CEP85L: variants seen among roughly 807,000 people sequenced by gnomAD.
The protein encoded by CEP85L is centrosomal protein of 85 kDa-like.
In CEP85L, 60 loss-of-function variants were observed where a neutral mutation model predicts 100.3. The ratio of observed to expected loss-of-function variants is 0.60; its 90% CI spans 0.49 to 0.74. CEP85L has a LOEUF of 0.74. Among genes scored for constraint, CEP85L ranks in the 30% least tolerant of loss-of-function variants. CEP85L has a pLI of 0.00. For synonymous variants in CEP85L, 319 were observed against 322.7 expected (o/e 0.99, Z 0.12); for missense variants, 973 against 936.2 (o/e 1.04, Z -0.51).
intron 1 of CEP85L, among the ~76,000 whole-genome samples, chr6:118,680,890 A>T (rs149549667): frequency 7.3e-5 from 11 of 150,812 alleles, no homozygotes; most frequent in African/African-American, 2.7e-4. Flanking sequence ...AAAAAAAGAC[A>T]CTCTGAGATG....
chr6:118,703,028 A>T (rs2114368876), intron 1 of CEP85L, among the ~76,000 whole-genome samples: 1 of 150,160 alleles, frequency 6.7e-6, no homozygotes, highest in East Asian at 1.9e-4. Context: ...GCTAGAGTTC[A>T]TTTTACCACC....
intron 3 of CEP85L, among the ~76,000 whole-genome samples, chr6:118,555,874 T>C (rs1355541722): frequency 6.6e-6 from 1 of 152,174 alleles, no homozygotes; most frequent in Non-Finnish European, 1.5e-5. Context: ...ATCATCTTGC[T>C]CCCACCTGTA....
Position 118,481,760 on chromosome 6 carries a change from A to T in CEP85L, c.1745+19T>A. On this transcript the variant is annotated intron_variant, in intron 8 of 12. Coordinates refer to ENST00000368491, the MANE Select transcript of CEP85L (RefSeq NM_001042475.3). The stretch of plus-strand genomic sequence containing the variant: ...AATACGAATAAAATAATGTAGAAGG[A>T]TTCAGAAAATTTTCTTACCTCTGAA... 1 of 1,448,860 alleles carries T rather than the reference A, an allele frequency of 6.9e-7. No homozygotes were observed. Among genetic ancestry groups the T allele is most frequent in the Non-Finnish European group, 9.3e-7 (1 of 1,071,364 alleles). The allele number at this position is 1,448,860 out of a possible 1,614,324, so 89.8% of individuals were successfully genotyped here.
chr6:118,567,559 T>C (rs182324594), intron 2 of CEP85L, among the ~76,000 whole-genome samples: 16 of 152,202 alleles, frequency 1.1e-4, no homozygotes, highest in Admixed American at 9.8e-4. Flanking sequence ...CCAAAGACTA[T>C]AATTTTGTAA....
intron 2 of CEP85L, among the ~76,000 whole-genome samples, chr6:118,611,214 C>T (rs960178723): frequency 6.6e-6 from 1 of 152,042 alleles, no homozygotes; most frequent in African/African-American, 2.4e-5. Context: ...ATGTGAAACT[C>T]TTTTATCATA....
intron 6 of CEP85L, among the ~76,000 whole-genome samples, chr6:118,490,067 G>A (rs1006651703): frequency 6.6e-6 from 1 of 152,012 alleles, no homozygotes; most frequent in African/African-American, 2.4e-5. Flanking sequence ...GTGACAAGAT[G>A]GATGGCTCTG....
In CEP85L at chr6:118,567,593, T is replaced by C. The variant is rs535435179; in HGVS notation, c.233-1277A>G. 4.6e-5 allele frequency among the ~76,000 whole-genome samples: 7 copies of C among 152,002 alleles called. No individual in the cohort carries two copies. In the South Asian group the frequency reaches 1.5e-3, roughly 32 times the overall value. ...AATCAAGGGATATCTAGAAAGGGGG[T>C]AGCAATTTAAATTGGTGTGTGGGGA... is the stretch of plus-strand genomic sequence containing the variant. On this transcript the variant is annotated intron_variant, in intron 2 of 12. Transcript: ENST00000368491.
chr6:118,699,575 C>T (rs1399642742), intron 1 of CEP85L, among the ~76,000 whole-genome samples: 1 of 152,106 alleles, frequency 6.6e-6, no homozygotes, highest in East Asian at 1.9e-4. Flanking sequence ...GTGGGCTGCT[C>T]ATCTGTTTTT....
At chr6:118,591,307 C>A (rs1038114590) in intron 2 of CEP85L, among the ~76,000 whole-genome samples, 1 of 152,106 alleles carries the variant, frequency 6.6e-6, no homozygotes, top group South Asian at 2.1e-4. Context: ...AACAAAAGTA[C>A]CAGAGGCTAC....
intron 1 of CEP85L, among the ~76,000 whole-genome samples, chr6:118,689,099 C>T (rs1041465953): frequency 6.6e-6 from 1 of 152,176 alleles, no homozygotes; most frequent in African/African-American, 2.4e-5. Context: ...GTGTCATACT[C>T]CCTGTTCCTT....
chr6:118,665,862 C>G lies in CEP85L; in HGVS notation c.-27-13054G>C, dbSNP rs572930721. Among the ~76,000 whole-genome samples, 75 of 152,274 alleles carry G rather than the reference C, an allele frequency of 4.9e-4. 1 individual carries two copies. The highest frequency in any genetic ancestry group is 4.4e-3 in the Admixed American group (67 of 15,298). ...AGGTTTCCCTTCCTTGCCTCACATT[C>G]TGTTTTCCTACACAGGCCAAATTCT... is the stretch of plus-strand genomic sequence containing the variant. On this transcript the variant is annotated intron_variant, in intron 1 of 13. Coordinates refer to the CEP85L transcript ENST00000368488.
chr6:118,636,665 CAAA>C (rs1774512766), intron 1 of CEP85L, among the ~76,000 whole-genome samples: 1 of 152,274 alleles, frequency 6.6e-6, no homozygotes, highest in African/African-American at 2.4e-5. Flanking sequence ...CTGAACACAA[CAAA>C]AAAGCTAACC....
At chr6:118,698,720 G>C (rs1412795736) in intron 1 of CEP85L, among the ~76,000 whole-genome samples, 1 of 151,870 alleles carries the variant, frequency 6.6e-6, no homozygotes, top group Non-Finnish European at 1.5e-5. Flanking sequence ...TTTTGCACTG[G>C]CCAGCAGTTG....
intron 1 of CEP85L, among the ~76,000 whole-genome samples, chr6:118,681,600 T>C (rs1360532389): frequency 6.6e-6 from 1 of 152,064 alleles, no homozygotes; most frequent in Non-Finnish European, 1.5e-5. Context: ...AAAAATAGTA[T>C]TTTGGACTTC....
At chr6:118,671,229 A>G (rs1260764481) in intron 1 of CEP85L, among the ~76,000 whole-genome samples, 2 of 152,226 alleles carry the variant, frequency 1.3e-5, no homozygotes. Flanking sequence ...GTGGCCCTAC[A>G]TAAGCAAGTG....
At chr6:118,545,876 C>A (rs1407610982) in intron 3 of CEP85L, among the ~76,000 whole-genome samples, 2 of 152,076 alleles carry the variant, frequency 1.3e-5, no homozygotes, top group Admixed American at 6.5e-5. Context: ...GTCATTAAAC[C>A]ATCACAAATA....
chr6:118,668,869 T>G (rs528198312), intron 1 of CEP85L, among the ~76,000 whole-genome samples: 18 of 152,326 alleles, frequency 1.2e-4, no homozygotes, highest in African/African-American at 3.8e-4. Flanking sequence ...CTTTGTTTAT[T>G]AAGTGTGGTC....
At chr6:118,578,400 A>G (rs913834829) in intron 2 of CEP85L, among the ~76,000 whole-genome samples, 1 of 152,194 alleles carries the variant, frequency 6.6e-6, no homozygotes, top group Non-Finnish European at 1.5e-5. Context: ...ACCCTAGCCA[A>G]TGGGGAAAGG....
rs1779502230 is a variant in CEP85L, at chr6:118,566,286, A to G, written c.263T>C (p.Phe88Ser). 3.1e-6 allele frequency: 5 copies of G among 1,613,816 alleles called. No homozygotes were observed. Among genetic ancestry groups the G allele is most frequent in the Middle Eastern group, 3.3e-4 (2 of 6,058 alleles). ...DHSTSSGTLS[F>S]KPSQSLITLP... Reference sequence around the variant, plus strand: ...AGTAATCAATGATTGACTAGGCTTAAAAGATAATGTGCCACTTGAAGTTGA... The same window carrying G: ...AGTAATCAATGATTGACTAGGCTTAGAAGATAATGTGCCACTTGAAGTTGA... The change falls in exon 3 of 13, where the codon TTT becomes TCT. Residue 88 changes from phenylalanine to serine, a missense_variant. By Grantham distance (155) the Phe-to-Ser change is radical. Coordinates refer to ENST00000368491, the MANE Select transcript of CEP85L (RefSeq NM_001042475.3).
Sources: allele counts gnomAD v4.1 joint callset (sites outside exome capture counted in the v4.1 genomes callset), GRCh38; gene constraint gnomAD v4.1.1; transcripts MANE v1.5; gene names NCBI Gene and HGNC (gene_info 2026-07-23, HGNC 2026-07-21).